The following NLK variants were observed in gnomAD, a reference collection of about 807,000 sequenced individuals.
The protein encoded by NLK is nemo like kinase, also known as serine/threonine-protein kinase NLK.
In NLK, 11 loss-of-function variants were observed where a neutral mutation model predicts 59.0. That is an observed-to-expected ratio of 0.19 (90% CI 0.12 to 0.31). The LOEUF is 0.31. Among genes scored for constraint, NLK ranks in the 10% least tolerant of loss-of-function variants. The pLI, the probability that NLK is intolerant of heterozygous loss-of-function variation, is 1.00. For synonymous variants in NLK, 235 were observed against 235.9 expected (o/e 1.00, Z 0.03); for missense variants, 410 against 661.1 (o/e 0.62, Z 4.16).
At chr17:28,185,117 G>A in intron 7 of NLK, 62 bp from the exon 8 acceptor site, 1 of 924,952 alleles carries the variant, frequency 1.1e-6, no homozygotes, top group Non-Finnish European at 1.6e-6. Context: ...TAAATTGGCT[G>A]TATTCCATAG....
chr17:28,059,507 C>T (rs779865687), intron 1 of NLK, among the ~76,000 whole-genome samples: 1 of 151,796 alleles, frequency 6.6e-6, no homozygotes. Context: ...AATAGAGATC[C>T]AGTTAATAGA....
At chr17:28,168,754 C>A in intron 6 of NLK, 97 bp downstream of exon 6, 1 of 909,776 alleles carries the variant, frequency 1.1e-6, no homozygotes, top group Non-Finnish European at 1.7e-6. Flanking sequence ...ATTATACTGT[C>A]TAATTTGCTT....
chr17:28,092,272 T>TG (rs1904523723), intron 1 of NLK, among the ~76,000 whole-genome samples: 2 of 86,038 alleles, frequency 2.3e-5, no homozygotes, highest in African/African-American at 4.3e-5. Context: ...GGCGGGGGGG[T>TG]GGGGGGAGAA....
At chr17:28,199,821 G>T (rs1210052060), downstream of NLK, among the ~76,000 whole-genome samples, 1 of 151,882 alleles carries the variant, frequency 6.6e-6, no homozygotes, top group Non-Finnish European at 1.5e-5. Flanking sequence ...ACAATAAAAT[G>T]TCAAGGAGCC....
At chr17:28,152,931 C>T (rs1222188227) in intron 3 of NLK, among the ~76,000 whole-genome samples, 3 of 151,786 alleles carry the variant, frequency 2.0e-5, no homozygotes, top group South Asian at 2.1e-4. Context: ...GCCATTGGTA[C>T]GTCAGGATTT....
chr17:28,158,981 A>G (rs558741604), intron 3 of NLK, among the ~76,000 whole-genome samples: 1 of 152,350 alleles, frequency 6.6e-6, no homozygotes, highest in East Asian at 1.9e-4. Flanking sequence ...ATCATCAACG[A>G]AACATCATTA....
chr17:28,098,358 AGAGAGTAGAAATT>A (rs1045155328), intron 1 of NLK, among the ~76,000 whole-genome samples: 26 of 152,222 alleles, frequency 1.7e-4, no homozygotes, highest in Admixed American at 1.2e-3. Context: ...GTGGAGTAAA[AGAGAGTAGAAATT>A]ATGAATTATT....
At chr17:28,152,751 G>A (rs978905848) in intron 3 of NLK, among the ~76,000 whole-genome samples, 18 of 151,934 alleles carry the variant, frequency 1.2e-4, no homozygotes, top group African/African-American at 4.4e-4. Context: ...AGCCTCCCTA[G>A]TAGCCGGGAC....
At chr17:28,199,725 AAT>A (rs1909582033), downstream of NLK, among the ~76,000 whole-genome samples, 3 of 151,886 alleles carry the variant, frequency 2.0e-5, no homozygotes, top group Admixed American at 2.0e-4. Flanking sequence ...ATAACCAGGA[AAT>A]ATAACAGCCA....
chr17:28,167,613 G>A (rs1329956966), intron 5 of NLK, among the ~76,000 whole-genome samples: 1 of 151,286 alleles, frequency 6.6e-6, no homozygotes, highest in African/African-American at 2.4e-5. Context: ...ACTTTGGGAG[G>A]CCAAGGCAAG....
intron 10 of NLK, among the ~76,000 whole-genome samples, chr17:28,192,932 T>C (rs947519738): frequency 6.6e-6 from 1 of 152,072 alleles, no homozygotes; most frequent in Non-Finnish European, 1.5e-5. Flanking sequence ...GTGTAGCCTA[T>C]TTAGAGGAGA....
intron 1 of NLK, among the ~76,000 whole-genome samples, chr17:28,104,429 T>G (rs1374843341): frequency 6.6e-6 from 1 of 152,054 alleles, no homozygotes; most frequent in African/African-American, 2.4e-5. Context: ...CTAATTTTTG[T>G]TTTTTTAGTA....
chr17:28,121,923 G>A (rs35346614), intron 1 of NLK, among the ~76,000 whole-genome samples: 164 of 151,926 alleles, frequency 1.1e-3, no homozygotes, highest in African/African-American at 3.8e-3. Context: ...GGTGTTGGAA[G>A]GCAAAAAGAG....
chr17:28,074,640 T>G (rs1029244288), intron 1 of NLK, among the ~76,000 whole-genome samples: 2 of 152,198 alleles, frequency 1.3e-5, no homozygotes, highest in African/African-American at 2.4e-5. Flanking sequence ...CGAAAAGAGA[T>G]CTAAGGGCCT....
intron 4 of NLK, among the ~76,000 whole-genome samples, chr17:28,163,332 C>T (rs553540017): frequency 1.3e-5 from 2 of 152,194 alleles, no homozygotes; most frequent in Non-Finnish European, 2.9e-5. Context: ...TAGACATTAT[C>T]TCTAGACTTT....
At chr17:28,170,060 C>T (rs1263215566) in intron 6 of NLK, among the ~76,000 whole-genome samples, 4 of 152,040 alleles carry the variant, frequency 2.6e-5, no homozygotes, top group Non-Finnish European at 4.4e-5. Flanking sequence ...TAACATTTCA[C>T]CCACATAAAA....
chr17:28,152,570 A>C (rs1470588036), intron 3 of NLK, among the ~76,000 whole-genome samples: 1 of 152,188 alleles, frequency 6.6e-6, no homozygotes, highest in Non-Finnish European at 1.5e-5. Flanking sequence ...AAAAGCAAAA[A>C]AAAAGTCAGT....
intron 1 of NLK, among the ~76,000 whole-genome samples, chr17:28,108,458 T>G (rs1421485477): frequency 6.6e-6 from 1 of 152,152 alleles, no homozygotes; most frequent in Non-Finnish European, 1.5e-5. Context: ...ACTATCAGAA[T>G]TCAAATGATT....
chr17:28,175,475 G>A (rs1316956187), intron 7 of NLK, among the ~76,000 whole-genome samples: 1 of 151,750 alleles, frequency 6.6e-6, no homozygotes, highest in Non-Finnish European at 1.5e-5. Flanking sequence ...ATAGTGTAGT[G>A]TCAATCTCAG....
Sources: allele counts gnomAD v4.1 joint callset (sites outside exome capture counted in the v4.1 genomes callset), GRCh38; gene constraint gnomAD v4.1.1; transcripts MANE v1.5; gene names NCBI Gene and HGNC (gene_info 2026-07-23, HGNC 2026-07-21).